SCGB2B2: variants seen among roughly 807,000 people sequenced by gnomAD.
SCGB2B2 encodes secretoglobin family 2B member 2.
SCGB2B2 carries 11 observed loss-of-function variants against 7.6 expected under a neutral mutation model. The observed-to-expected ratio is 1.45, with a 90% CI of 0.91 to 2.40. SCGB2B2 has a LOEUF of 2.40. SCGB2B2 is among the 30% of genes most tolerant of loss of function. SCGB2B2 has a pLI of 0.00. For missense variants in SCGB2B2, 104 were observed against 115.4 expected (o/e 0.90, Z 0.45); for synonymous variants, 50 against 48.6 (o/e 1.03, Z -0.12).
At chr19:34,606,252 G>T (rs1361487553) in intron 1 of SCGB2B2, among the ~76,000 whole-genome samples, 1 of 151,942 alleles carries the variant, frequency 6.6e-6, no homozygotes, top group Non-Finnish European at 1.5e-5. Flanking sequence ...AGTGTGAAGT[G>T]ACCACCATAC....
At chr19:34,606,883 G>C (rs372088687) in intron 1 of SCGB2B2, among the ~76,000 whole-genome samples, 11 of 152,040 alleles carry the variant, frequency 7.2e-5, no homozygotes, top group Middle Eastern at 3.5e-3. Context: ...GGCTTTCACG[G>C]GGGATTGTGG....
intron 1 of SCGB2B2, among the ~76,000 whole-genome samples, chr19:34,661,508 C>T (rs571497562): frequency 6.6e-6 from 1 of 152,296 alleles, no homozygotes; most frequent in African/African-American, 2.4e-5. Flanking sequence ...AGGAACAAGG[C>T]CAAAGTAGAA....
At chr19:34,669,714 T>TACACACACACATACACACACACAC (rs1812585716) in intron 1 of SCGB2B2, among the ~76,000 whole-genome samples, 2 of 139,498 alleles carry the variant, frequency 1.4e-5, no homozygotes, top group Non-Finnish European at 3.1e-5. Context: ...TGCCCCCACT[T>TACACACACACATACACACACACAC]ACACACACAC....
At chr19:34,629,671 A>G (rs1410756661) in intron 1 of SCGB2B2, among the ~76,000 whole-genome samples, 1 of 152,018 alleles carries the variant, frequency 6.6e-6, no homozygotes, top group Non-Finnish European at 1.5e-5. Context: ...AAGAATCAAT[A>G]TCGTGAAAAT....
chr19:34,669,714 T>C (rs866236204), intron 1 of SCGB2B2, among the ~76,000 whole-genome samples: 76 of 139,558 alleles, frequency 5.4e-4, no homozygotes, highest in South Asian at 7.4e-4. Flanking sequence ...TGCCCCCACT[T>C]ACACACACAC....
At chr19:34,585,734 G>A (rs2065179378), downstream of SCGB2B2, among the ~76,000 whole-genome samples, 1 of 152,190 alleles carries the variant, frequency 6.6e-6, no homozygotes, top group Non-Finnish European at 1.5e-5. Flanking sequence ...TTTGCATGGA[G>A]TCACTTCTGG....
chr19:34,601,760 T>C (rs2065630109), intron 1 of SCGB2B2, among the ~76,000 whole-genome samples: 1 of 152,206 alleles, frequency 6.6e-6, no homozygotes, highest in African/African-American at 2.4e-5. Flanking sequence ...TGCCTATTTG[T>C]TTATTCCTCT....
At chr19:34,633,393 A>T (rs1419114167) in intron 1 of SCGB2B2, among the ~76,000 whole-genome samples, 1 of 152,244 alleles carries the variant, frequency 6.6e-6, no homozygotes, top group East Asian at 1.9e-4. Flanking sequence ...TTAACAAATG[A>T]GCAGCAAAAT....
intron 1 of SCGB2B2, chr19:34,638,385 G>A (rs2066746724): frequency 6.6e-6 from 1 of 151,958 alleles, no homozygotes; most frequent in Non-Finnish European, 1.5e-5. Context: ...GAAGGTTGCA[G>A]TGAGCCAAGA....
At chr19:34,607,499 ATTTTTAAG>A (rs2065814515) in intron 1 of SCGB2B2, among the ~76,000 whole-genome samples, 1 of 152,182 alleles carries the variant, frequency 6.6e-6, no homozygotes, top group South Asian at 2.1e-4. Flanking sequence ...CGGTAGCTCT[ATTTTTAAG>A]TTTTTGAGAA....
intron 1 of SCGB2B2, among the ~76,000 whole-genome samples, chr19:34,627,239 G>A (rs184499631): frequency 4.2e-4 from 64 of 152,186 alleles, no homozygotes; most frequent in African/African-American, 1.5e-3. Context: ...TAATGACAGG[G>A]TCAAATTCAC....
chr19:34,673,228 G>C (rs924767775), intron 1 of SCGB2B2, among the ~76,000 whole-genome samples: 4 of 151,892 alleles, frequency 2.6e-5, no homozygotes, highest in African/African-American at 9.7e-5. Flanking sequence ...TCTCCTTATT[G>C]CTCTCTCTCT....
intron 1 of SCGB2B2, among the ~76,000 whole-genome samples, chr19:34,644,867 A>G (rs1486946537): frequency 1.2e-4 from 19 of 152,240 alleles, no homozygotes; most frequent in Admixed American, 1.2e-3. Context: ...CTCATATGTA[A>G]TAAGTACTAT....
intron 1 of SCGB2B2, among the ~76,000 whole-genome samples, chr19:34,652,706 C>T (rs1278344551): frequency 1.3e-5 from 2 of 151,168 alleles, no homozygotes; most frequent in African/African-American, 4.9e-5. Flanking sequence ...ACAAAAGATA[C>T]CAAACGCTGG....
rs1270235033 is a variant in SCGB2B2 at position 34,592,755 on chromosome 19, T to G, written c.*800A>C. Among the ~76,000 whole-genome samples the G allele has an allele frequency of 6.6e-6, 1 of 152,134 alleles. No homozygotes were observed. Among genetic ancestry groups the G allele is most frequent in the Admixed American group, 6.5e-5 (1 of 15,280 alleles). ...ACCTCAATGTCAATGTCCCCTGTCA[T>G]GGTGACATGGCCACACAGACCCATG... On this transcript the variant is annotated 3_prime_UTR_variant, in exon 4 of 4. Coordinates refer to ENST00000601241, the MANE Select transcript of SCGB2B2 (RefSeq NM_001025591.4).
intron 1 of SCGB2B2, among the ~76,000 whole-genome samples, chr19:34,666,035 C>T (rs2067610865): frequency 6.6e-6 from 1 of 152,128 alleles, no homozygotes; most frequent in Non-Finnish European, 1.5e-5. Flanking sequence ...CTGGAGCCCA[C>T]ACCTTTCAGC....
intron 1 of SCGB2B2, among the ~76,000 whole-genome samples, chr19:34,615,963 T>C (rs888029639): frequency 6.6e-6 from 1 of 151,692 alleles, no homozygotes; most frequent in Non-Finnish European, 1.5e-5. Flanking sequence ...CTTGCAATAG[T>C]TTACTGAGAA....
intron 1 of SCGB2B2, among the ~76,000 whole-genome samples, chr19:34,607,294 T>C (rs571148525): frequency 2.0e-5 from 3 of 152,206 alleles, no homozygotes; most frequent in Non-Finnish European, 4.4e-5. Context: ...GATGGATGGA[T>C]AGACAGACAG....
At chr19:34,586,702 A>G (rs2065196020), downstream of SCGB2B2, among the ~76,000 whole-genome samples, 1 of 152,090 alleles carries the variant, frequency 6.6e-6, no homozygotes, top group African/African-American at 2.4e-5. Context: ...CAGGTTTTGT[A>G]TTGATGTCTG....
Sources: allele counts gnomAD v4.1 joint callset (sites outside exome capture counted in the v4.1 genomes callset), GRCh38; gene constraint gnomAD v4.1.1; transcripts MANE v1.5; gene names NCBI Gene and HGNC (gene_info 2026-07-23, HGNC 2026-07-21).